Variants in TMEM132C observed in about 807,000 individuals in gnomAD.
TMEM132C encodes the protein transmembrane protein 132C.
TMEM132C carries 29 observed loss-of-function variants against 61.4 expected under a neutral mutation model. The observed-to-expected ratio is 0.47, with a 90% confidence interval of 0.35 to 0.64. The LOEUF is 0.64. Among genes scored for constraint, TMEM132C ranks in the 30% least tolerant of loss-of-function variants. The pLI is 0.00. For synonymous variants in TMEM132C, 656 were observed against 633.1 expected, an observed-to-expected ratio of 1.04 and a Z score of -0.54; for missense variants, 1,408 against 1,476.9, an observed-to-expected ratio of 0.95 and a Z score of 0.76.
At chr12:128,666,136 C>G (rs534594753) in intron 4 of TMEM132C, among the ~76,000 whole-genome samples, 1 of 150,456 alleles carries the variant, frequency 6.6e-6, no homozygotes, top group Non-Finnish European at 1.5e-5. Context: ...CACACAGGCA[C>G]ACACACATTC....
intron 2 of TMEM132C, among the ~76,000 whole-genome samples, chr12:128,496,019 A>G (rs7980792): frequency 0.52 from 79,401 of 151,592 alleles, 21,176 homozygotes; most frequent in African/African-American, 0.61. Flanking sequence ...CTCTTTTAGG[A>G]CAGGCCTGGT....
At chr12:128,384,461 T>C (rs1050307781) in intron 1 of TMEM132C, among the ~76,000 whole-genome samples, 1 of 152,042 alleles carries the variant, frequency 6.6e-6, no homozygotes, top group Non-Finnish European at 1.5e-5. Context: ...AAGAACCCCA[T>C]TTAGGGGAGG....
intron 5 of TMEM132C, among the ~76,000 whole-genome samples, chr12:128,692,585 A>G (rs1440149861): frequency 6.6e-6 from 1 of 152,210 alleles, no homozygotes; most frequent in Non-Finnish European, 1.5e-5. Flanking sequence ...ACTATTGCCA[A>G]GGCCTTGGGG....
intron 2 of TMEM132C, among the ~76,000 whole-genome samples, chr12:128,506,987 G>A (rs940524832): frequency 6.6e-6 from 1 of 152,068 alleles, no homozygotes; most frequent in African/African-American, 2.4e-5. Context: ...TACCACCCCA[G>A]GAGAGCATAC....
At chr12:128,395,223 ATT>A (rs968911658) in intron 1 of TMEM132C, among the ~76,000 whole-genome samples, 32 of 150,380 alleles carry the variant, frequency 2.1e-4, no homozygotes, top group African/African-American at 7.5e-4. Flanking sequence ...ATTTTAATAT[ATT>A]AAAATTAATT....
intron 4 of TMEM132C, among the ~76,000 whole-genome samples, chr12:128,635,679 T>C (rs897022651): frequency 2.6e-5 from 4 of 152,104 alleles, no homozygotes; most frequent in Non-Finnish European, 5.9e-5. Flanking sequence ...CACAGTGAAG[T>C]TGTAACCTCT....
At chr12:128,581,685 T>C (rs1875340572) in intron 3 of TMEM132C, among the ~76,000 whole-genome samples, 1 of 152,230 alleles carries the variant, frequency 6.6e-6, no homozygotes, top group African/African-American at 2.4e-5. Context: ...TGACTTCTCA[T>C]CTTCTCTTTT....
chr12:128,309,062 G>A (rs1026035786), intron 1 of TMEM132C, among the ~76,000 whole-genome samples: 1 of 152,042 alleles, frequency 6.6e-6, no homozygotes. Context: ...GGGAGGGGTG[G>A]GGATCAAGGT....
At chr12:128,576,264 G>A (rs1439374696) in intron 3 of TMEM132C, among the ~76,000 whole-genome samples, 3 of 151,426 alleles carry the variant, frequency 2.0e-5, no homozygotes, top group African/African-American at 7.3e-5. Context: ...GATTAGAAGG[G>A]GAGGGGAGGG....
chr12:128,475,434 A>G (rs1871125861), intron 2 of TMEM132C, among the ~76,000 whole-genome samples: 1 of 152,246 alleles, frequency 6.6e-6, no homozygotes, highest in Admixed American at 6.5e-5. Context: ...GCTAACTGGC[A>G]TGCGGTTGCA....
intron 3 of TMEM132C, among the ~76,000 whole-genome samples, chr12:128,572,773 G>A (rs1448098989): frequency 1.3e-5 from 2 of 152,188 alleles, no homozygotes; most frequent in Non-Finnish European, 2.9e-5. Context: ...TGTGGCCTCT[G>A]CTGGCCTCCG....
intron 3 of TMEM132C, among the ~76,000 whole-genome samples, chr12:128,574,249 T>C (rs1433836375): frequency 6.6e-6 from 1 of 152,244 alleles, no homozygotes; most frequent in Non-Finnish European, 1.5e-5. Flanking sequence ...CTATGCATGG[T>C]GCTAATCAAT....
intron 1 of TMEM132C, among the ~76,000 whole-genome samples, chr12:128,390,118 A>C (rs902916684): frequency 6.6e-6 from 1 of 151,570 alleles, no homozygotes; most frequent in Admixed American, 6.6e-5. Flanking sequence ...TGATCCTCCC[A>C]CTCCAGCCTC....
chr12:128,339,502 T>C (rs2135952257), intron 1 of TMEM132C, among the ~76,000 whole-genome samples: 1 of 152,022 alleles, frequency 6.6e-6, no homozygotes, highest in South Asian at 2.1e-4. Context: ...AAGTCTCCCC[T>C]CCTCTCCCAC....
At chr12:128,410,172 T>C (rs1043800977) in intron 1 of TMEM132C, among the ~76,000 whole-genome samples, 1 of 151,998 alleles carries the variant, frequency 6.6e-6, no homozygotes, top group African/African-American at 2.4e-5. Flanking sequence ...CAACGAACAG[T>C]TTTATTTTGA....
At chr12:128,344,896 A>C (rs1005459489) in intron 1 of TMEM132C, among the ~76,000 whole-genome samples, 2 of 151,184 alleles carry the variant, frequency 1.3e-5, no homozygotes, top group Admixed American at 1.3e-4. Flanking sequence ...GTTGAGCCTA[A>C]TGCTTTCCTT....
chr12:128,661,254 C>T (rs1954386365), intron 4 of TMEM132C, among the ~76,000 whole-genome samples: 2 of 152,090 alleles, frequency 1.3e-5, no homozygotes, highest in Admixed American at 6.5e-5. Flanking sequence ...TGGATCAGGC[C>T]CACCCAGATT....
At chr12:128,685,617 A>G (rs1158216828) in intron 5 of TMEM132C, among the ~76,000 whole-genome samples, 1 of 152,170 alleles carries the variant, frequency 6.6e-6, no homozygotes, top group Non-Finnish European at 1.5e-5. Context: ...ACTTCTGTTC[A>G]TATTTTCCTG....
At chr12:128,365,259 C>G (rs1414776842) in intron 1 of TMEM132C, among the ~76,000 whole-genome samples, 1 of 152,130 alleles carries the variant, frequency 6.6e-6, no homozygotes, top group Non-Finnish European at 1.5e-5. Flanking sequence ...TGGAACGGTC[C>G]AAGTGCTCAT....
Sources: allele counts gnomAD v4.1 joint callset (sites outside exome capture counted in the v4.1 genomes callset), GRCh38; gene constraint gnomAD v4.1.1; transcripts MANE v1.5; gene names NCBI Gene and HGNC (gene_info 2026-07-23, HGNC 2026-07-21).